The following CYP4X1 variants were observed in gnomAD, a reference collection of about 807,000 sequenced individuals.
CYP4X1 encodes cytochrome P450 family 4 subfamily X member 1.
Under a neutral mutation model 57.9 loss-of-function variants are expected in CYP4X1, and 44 were observed. The observed-to-expected ratio is 0.76, with a 90% CI of 0.60 to 0.98. The LOEUF (loss-of-function observed/expected upper bound fraction) is 0.98, where lower values mean the gene tolerates loss of function less well. Ranked by LOEUF, CYP4X1 falls within the 50% of genes least tolerant of loss-of-function variation. CYP4X1 has a pLI of 0.00. For missense variants in CYP4X1, 532 were observed against 623.9 expected (o/e 0.85, Z 1.57); for synonymous variants, 227 against 228.6 (o/e 0.99, Z 0.06).
chr1:46,994,730 G>A, the CYP4X1 span, among the ~76,000 whole-genome samples: 1 of 152,184 alleles, frequency 6.6e-6, no homozygotes, highest in Admixed American at 6.5e-5. Flanking sequence ...TAATGGCCAT[G>A]CACACACCCA....
intron 4 of CYP4X1, among the ~76,000 whole-genome samples, chr1:47,034,935 C>T (rs190435023): frequency 6.6e-6 from 1 of 152,022 alleles, no homozygotes; most frequent in Admixed American, 6.6e-5. Flanking sequence ...CTTCTACATT[C>T]ACCATTTGTT....
At chr1:47,038,422 C>T (rs538773353) in intron 6 of CYP4X1, among the ~76,000 whole-genome samples, 3 of 152,090 alleles carry the variant, frequency 2.0e-5, no homozygotes, top group South Asian at 2.1e-4. Flanking sequence ...AACTTGAAAT[C>T]ATCTTAATTT....
At chr1:46,985,832 A>G in the CYP4X1 span, among the ~76,000 whole-genome samples, 46 of 152,350 alleles carry the variant, frequency 3.0e-4, 1 homozygote, top group Admixed American at 2.9e-3. Flanking sequence ...AACATCAAAA[A>G]GGATGTTGTC....
chr1:47,023,131 C>T (rs1644017199), upstream of CYP4X1, among the ~76,000 whole-genome samples: 1 of 152,158 alleles, frequency 6.6e-6, no homozygotes, highest in Middle Eastern at 3.2e-3. Flanking sequence ...AGTTTTTATC[C>T]CGCATTTTCA....
chr1:47,005,010 G>C, the CYP4X1 span, among the ~76,000 whole-genome samples: 1 of 152,148 alleles, frequency 6.6e-6, no homozygotes, highest in Admixed American at 6.5e-5. Context: ...GAAAGCTCAT[G>C]GTAGGCCATC....
In CYP4X1 at chr1:47,035,889, C is replaced by A; in HGVS notation, c.576C>A (p.Ile192=). The A allele has an allele frequency of 6.2e-7, 1 of 1,613,718 alleles. No individual in the cohort carries two copies. The highest frequency in any genetic ancestry group is 8.5e-7 in the Non-Finnish European group (1 of 1,179,780). Residue 192 remains isoleucine (I), a synonymous_variant, in exon 5 of 12, where the codon ATC becomes ATA. Transcript: ENST00000371901. ...EHINSMSLDI[I]MKCAFSKETN... ...TCAACTCGATGTCTCTGGATATAAT[C>A]ATGAAATGCGCTTTCAGCAAGGAGA...
upstream of CYP4X1, among the ~76,000 whole-genome samples, chr1:47,021,377 T>A (rs1250716259): frequency 6.6e-6 from 1 of 152,078 alleles, no homozygotes; most frequent in Non-Finnish European, 1.5e-5. Context: ...TTCTACCACA[T>A]GAAATGGAGG....
the CYP4X1 span, among the ~76,000 whole-genome samples, chr1:47,007,601 A>G: frequency 6.6e-6 from 1 of 152,256 alleles, no homozygotes; most frequent in Non-Finnish European, 1.5e-5. Flanking sequence ...AGTTGAGAGA[A>G]GAAGGCTTCA....
At chr1:47,048,934 G>A (rs1458777796) in intron 10 of CYP4X1, among the ~76,000 whole-genome samples, 1 of 152,182 alleles carries the variant, frequency 6.6e-6, no homozygotes, top group African/African-American at 2.4e-5. Flanking sequence ...CTAAGTGGAT[G>A]CACATCCATT....
rs1644108703 is a variant in CYP4X1 at position 47,030,022 on chromosome 1, G to A, written c.210G>A (p.Glu70=). 2 of 1,614,026 alleles carry A rather than the reference G, an allele frequency of 1.2e-6. No individual in the cohort carries two copies. The highest frequency in any genetic ancestry group is 2.2e-5 in the South Asian group (2 of 91,056). The change falls in exon 2 of 12, where the codon GAG becomes GAA. Residue 70 remains glutamate, a synonymous_variant. Transcript: ENST00000371901. ...AGGATGATAACATGGAGAAGCTTGA[G>A]GAAATTATTGAAAAATACCCTCGTG... ...FIQDDNMEKL[E]EIIEKYPRAF...
chr1:47,009,582 GA>G, the CYP4X1 span, among the ~76,000 whole-genome samples: 1 of 152,156 alleles, frequency 6.6e-6, no homozygotes, highest in Non-Finnish European at 1.5e-5. Flanking sequence ...GAAGGAAATA[GA>G]GACACAAAAA....
the CYP4X1 span, among the ~76,000 whole-genome samples, chr1:46,965,937 G>A: frequency 6.6e-6 from 1 of 152,242 alleles, no homozygotes; most frequent in Non-Finnish European, 1.5e-5. Flanking sequence ...ATCTCACTCA[G>A]TGAGAAGGAA....
At chr1:46,972,524 G>A in the CYP4X1 span, among the ~76,000 whole-genome samples, 2 of 152,072 alleles carry the variant, frequency 1.3e-5, no homozygotes, top group Non-Finnish European at 2.9e-5. Context: ...AATTGCTTTG[G>A]GCAGTATGAC....
At chr1:47,039,900 A>G (rs1304967230) in intron 8 of CYP4X1, among the ~76,000 whole-genome samples, 1 of 152,258 alleles carries the variant, frequency 6.6e-6, no homozygotes, top group East Asian at 1.9e-4. Flanking sequence ...AGAGAGCTGA[A>G]TGATTAGCTG....
the CYP4X1 span, among the ~76,000 whole-genome samples, chr1:46,980,039 T>A: frequency 6.6e-6 from 1 of 152,132 alleles, no homozygotes; most frequent in Non-Finnish European, 1.5e-5. Flanking sequence ...TGGGCAAAAC[T>A]GGAAGCATTC....
At chr1:46,961,770 T>A in the CYP4X1 span, 1 of 1,305,702 alleles carries the variant, frequency 7.7e-7, no homozygotes, top group Non-Finnish European at 1.0e-6. Context: ...AGTAAGCACC[T>A]GCCTTTCTTG....
chr1:46,990,982 G>A, the CYP4X1 span, among the ~76,000 whole-genome samples: 1 of 151,334 alleles, frequency 6.6e-6, no homozygotes, highest in Non-Finnish European at 1.5e-5. Flanking sequence ...AAACCACCAC[G>A]GCACATGTAT....
intron 8 of CYP4X1, among the ~76,000 whole-genome samples, chr1:47,043,103 A>G (rs1441864716): frequency 3.3e-5 from 5 of 152,172 alleles, no homozygotes; most frequent in Non-Finnish European, 5.9e-5. Context: ...TGTTCACTGT[A>G]TCCACACCAT....
the CYP4X1 span, among the ~76,000 whole-genome samples, chr1:47,012,417 G>A: frequency 1.3e-5 from 2 of 152,158 alleles, no homozygotes; most frequent in Non-Finnish European, 1.5e-5. Flanking sequence ...ATGGGGTGAG[G>A]GGAGTGGGGA....
Sources: gnomAD v4.1 joint callset for allele counts (sites outside exome capture counted in the v4.1 genomes callset) on GRCh38, gnomAD v4.1.1 for gene constraint, MANE v1.5 for transcripts, NCBI Gene and HGNC (gene_info 2026-07-23, HGNC 2026-07-21) for gene names.